DCLK1: variants seen among roughly 807,000 people sequenced by gnomAD.
The protein encoded by DCLK1 is serine/threonine-protein kinase DCLK1.
DCLK1 carries 16 observed loss-of-function variants against 86.2 expected under a neutral mutation model. That is an observed-to-expected ratio of 0.19 (90% CI 0.13 to 0.28). The LOEUF is 0.28. DCLK1 is among the 10% of genes least tolerant of loss of function. The pLI is 1.00. For missense variants in DCLK1, 590 were observed against 940.2 expected, an observed-to-expected ratio of 0.63 and a Z score of 4.87; for synonymous variants, 369 against 370.5, an observed-to-expected ratio of 1.00 and a Z score of 0.05.
At chr13:35,964,362 A>G (rs1878619680) in intron 3 of DCLK1, among the ~76,000 whole-genome samples, 1 of 152,248 alleles carries the variant, frequency 6.6e-6, no homozygotes, top group Admixed American at 6.5e-5. Context: ...GAATTCCAGG[A>G]GCATTTTGTA....
intron 4 of DCLK1, among the ~76,000 whole-genome samples, chr13:35,917,003 C>A (rs1484083341): frequency 6.6e-6 from 1 of 152,184 alleles, no homozygotes; most frequent in Admixed American, 6.5e-5. Context: ...AAAATAGCAT[C>A]ATTATCGCTG....
chr13:36,050,919 G>A (rs911215733), intron 3 of DCLK1, among the ~76,000 whole-genome samples: 1 of 152,086 alleles, frequency 6.6e-6, no homozygotes, highest in African/African-American at 2.4e-5. Flanking sequence ...GTGCCAGTAG[G>A]TCATGTAAAA....
In DCLK1 at chr13:35,822,712, G is replaced by A; in HGVS notation, c.1554+17C>T. On this transcript the variant is annotated intron_variant, in intron 11 of 16. Coordinates refer to ENST00000360631, the MANE Select transcript of DCLK1 (RefSeq NM_001330071.2). ...TGCTTGGAACTCAGGATGCCCTGTA[G>A]GTGGAATTCCTCTTACCAGCAGGTT... 2 of 1,613,964 alleles carry A rather than the reference G, an allele frequency of 1.2e-6. No homozygotes were observed. The highest frequency in any genetic ancestry group is 1.7e-6 in the Non-Finnish European group (2 of 1,179,922).
At chr13:35,866,549 G>C (rs1324155899) in intron 5 of DCLK1, among the ~76,000 whole-genome samples, 2 of 150,122 alleles carry the variant, frequency 1.3e-5, no homozygotes, top group Admixed American at 1.3e-4. Flanking sequence ...GCCTCCCAGT[G>C]TCAAGCCATC....
At chr13:35,956,354 T>C (rs767789459) in intron 3 of DCLK1, among the ~76,000 whole-genome samples, 31 of 152,210 alleles carry the variant, frequency 2.0e-4, no homozygotes, top group Non-Finnish European at 3.2e-4. Context: ...ACTTATATTC[T>C]ATTGCACAAA....
intron 4 of DCLK1, among the ~76,000 whole-genome samples, chr13:35,884,900 T>C (rs1432715763): frequency 6.6e-6 from 1 of 152,196 alleles, no homozygotes; most frequent in Non-Finnish European, 1.5e-5. Flanking sequence ...CTTATTCCAT[T>C]AAAACAAAGC....
chr13:35,971,318 AC>A (rs1446261018), intron 3 of DCLK1, among the ~76,000 whole-genome samples: 1 of 152,232 alleles, frequency 6.6e-6, no homozygotes, highest in African/African-American at 2.4e-5. Flanking sequence ...TGGACCCCGC[AC>A]AAGAGCTCTG....
intron 3 of DCLK1, among the ~76,000 whole-genome samples, chr13:36,076,796 G>T (rs1360337360): frequency 1.3e-5 from 2 of 152,186 alleles, no homozygotes; most frequent in Non-Finnish European, 2.9e-5. Context: ...AATGTAGACT[G>T]AGTCACCTCT....
chr13:35,924,733 C>A (rs1231585868), intron 4 of DCLK1, among the ~76,000 whole-genome samples: 1 of 152,152 alleles, frequency 6.6e-6, no homozygotes, highest in Non-Finnish European at 1.5e-5. Flanking sequence ...GAGTAGGGTC[C>A]ATACCTCTCA....
chr13:35,846,752 T>G, intron 6 of DCLK1: 1 of 985,318 alleles, frequency 1.0e-6, no homozygotes, highest in Non-Finnish European at 1.2e-6. Context: ...CTAGCAAGGT[T>G]AATGCAAATA....
At chr13:35,902,777 C>A (rs1213869613) in intron 4 of DCLK1, among the ~76,000 whole-genome samples, 1 of 152,074 alleles carries the variant, frequency 6.6e-6, no homozygotes, top group East Asian at 1.9e-4. Flanking sequence ...ACACTTCTAG[C>A]AATTTCAGCC....
chr13:36,068,372 A>G (rs1248680130), intron 3 of DCLK1, among the ~76,000 whole-genome samples: 2 of 152,186 alleles, frequency 1.3e-5, no homozygotes, highest in Non-Finnish European at 2.9e-5. Flanking sequence ...TCTTTACACA[A>G]AGCCACAGTA....
intron 3 of DCLK1, among the ~76,000 whole-genome samples, chr13:36,003,141 G>A (rs552619324): frequency 1.3e-5 from 2 of 152,330 alleles, no homozygotes; most frequent in South Asian, 4.1e-4. Flanking sequence ...ATGCCAAGCT[G>A]ATTCCAATCA....
intron 8 of DCLK1, among the ~76,000 whole-genome samples, chr13:35,833,957 G>A (rs1869161830): frequency 6.6e-6 from 1 of 152,176 alleles, no homozygotes; most frequent in Non-Finnish European, 1.5e-5. Flanking sequence ...ATCCAAGTTA[G>A]AAAGAAACAA....
At chr13:35,976,916 G>A (rs1272702311) in intron 3 of DCLK1, among the ~76,000 whole-genome samples, 1 of 152,246 alleles carries the variant, frequency 6.6e-6, no homozygotes, top group East Asian at 1.9e-4. Flanking sequence ...ACAGACCACG[G>A]CATTAACAAT....
rs2086288223 is a variant in DCLK1, at chr13:35,769,343, T to A, written c.*5192A>T. On this transcript the variant is annotated 3_prime_UTR_variant, in exon 17 of 17. Transcript: ENST00000360631. Reference sequence around the variant, plus strand: ...CAGAAACTTGTTTAAATGCGCCAAGTCCCTACGCACCTTTTTAGTATGTAT... The same window carrying A: ...CAGAAACTTGTTTAAATGCGCCAAGACCCTACGCACCTTTTTAGTATGTAT... 1 of 152,186 alleles carries A rather than the reference T, an allele frequency of 6.6e-6. No individual in the cohort carries two copies. The allele number at this position is 152,186 out of a possible 1,614,324, so 9.4% of individuals were successfully genotyped here.
intron 3 of DCLK1, among the ~76,000 whole-genome samples, chr13:35,962,141 G>C (rs1190683069): frequency 6.6e-6 from 1 of 152,178 alleles, no homozygotes. Context: ...TCTCAGTGAA[G>C]GGTGTTGCTG....
At chr13:36,008,345 G>A (rs1358866454) in intron 3 of DCLK1, among the ~76,000 whole-genome samples, 1 of 73,702 alleles carries the variant, frequency 1.4e-5, no homozygotes, top group Non-Finnish European at 2.6e-5. Flanking sequence ...CTAGCATTAG[G>A]TATATCTCCC....
intron 11 of DCLK1, among the ~76,000 whole-genome samples, chr13:35,816,685 C>T (rs188241671): frequency 6.6e-6 from 1 of 152,342 alleles, no homozygotes; most frequent in African/African-American, 2.4e-5. Context: ...AGAACTTAAA[C>T]TCAGATATGT....
Sources: allele counts gnomAD v4.1 joint callset (sites outside exome capture counted in the v4.1 genomes callset), GRCh38; gene constraint gnomAD v4.1.1; transcripts MANE v1.5; gene names NCBI Gene and HGNC (gene_info 2026-07-23, HGNC 2026-07-21).